The following DENND2B variants were observed in gnomAD, a reference collection of about 807,000 sequenced individuals.
The protein encoded by DENND2B is DENN domain containing 2B, also known as DENN domain-containing protein 2B.
A neutral mutation model predicts 116.0 loss-of-function variants in DENND2B; 32 were observed. That is an observed-to-expected ratio of 0.28 (90% CI 0.21 to 0.37). The LOEUF is 0.37. DENND2B is among the 10% of genes least tolerant of loss of function. The pLI is 1.00. For synonymous variants in DENND2B, 588 were observed against 583.9 expected, an observed-to-expected ratio of 1.01 and a Z score of -0.10; for missense variants, 1,276 against 1,477.7, an observed-to-expected ratio of 0.86 and a Z score of 2.24.
chr11:8,734,791 CAAAAAAAAAA>C lies in DENND2B; in HGVS notation c.81-3592_81-3583del, dbSNP rs11339783. ...GCAGCAAGAGTGAAAACAAGAGTCT[CAAAAAAAAAA>C]AAAAAAAAAAGAAAGATCACATATC... On this transcript the variant is annotated intron_variant, in intron 2 of 19. Transcript: ENST00000313726. Among the ~76,000 whole-genome samples, 9 of 98,536 alleles carry C rather than the reference CAAAAAAAAAA, an allele frequency of 9.1e-5. No homozygotes were observed. The East Asian group carries it at 1.4e-3, about 16-fold the overall frequency. 64.6% of individuals were successfully genotyped at this position (98,536 alleles called of 152,430 possible).
intron 2 of DENND2B, among the ~76,000 whole-genome samples, chr11:8,869,611 G>A (rs933249257): frequency 3.3e-5 from 5 of 151,568 alleles, no homozygotes; most frequent in Admixed American, 3.3e-4. Flanking sequence ...GCAGTGAGCC[G>A]AGATTGCGCC....
chr11:8,834,084 C>T (rs958101963), intron 4 of DENND2B, among the ~76,000 whole-genome samples: 1 of 152,212 alleles, frequency 6.6e-6, no homozygotes, highest in Non-Finnish European at 1.5e-5. Flanking sequence ...ATAAAATCAG[C>T]TGTGACTGTA....
intron 3 of DENND2B, among the ~76,000 whole-genome samples, chr11:8,848,833 G>T (rs1468602896): frequency 6.6e-6 from 1 of 151,560 alleles, no homozygotes; most frequent in African/African-American, 2.4e-5. Context: ...TATTTATTGG[G>T]TATCTACTGA....
chr11:8,696,351 T>C, intron 18 of DENND2B, 76 bp downstream of exon 18: 2 of 1,573,264 alleles, frequency 1.3e-6, no homozygotes, highest in Non-Finnish European at 1.7e-6. Flanking sequence ...TCCAAGAGCT[T>C]CCATCATAGT....
At chr11:8,865,825 C>G (rs1025465342) in intron 2 of DENND2B, among the ~76,000 whole-genome samples, 1 of 122,890 alleles carries the variant, frequency 8.1e-6, no homozygotes, top group African/African-American at 2.8e-5. Context: ...AGTCAAAGTT[C>G]TACCATACTA....
chr11:8,777,933 C>A (rs1287527229), intron 1 of DENND2B, among the ~76,000 whole-genome samples: 1 of 152,220 alleles, frequency 6.6e-6, no homozygotes, highest in East Asian at 1.9e-4. Context: ...AACTATTCAG[C>A]CTCCTACTAA....
intron 1 of DENND2B, among the ~76,000 whole-genome samples, chr11:8,892,810 C>T (rs2064051027): frequency 6.6e-6 from 1 of 152,168 alleles, no homozygotes. Context: ...TCGAATTCTA[C>T]CAGAGGTACA....
chr11:8,696,563 C>T lies in DENND2B; in HGVS notation c.3156G>A (p.Glu1052=). The T allele has an allele frequency of 3.7e-6, 6 of 1,614,216 alleles. No homozygotes were observed. The highest frequency in any genetic ancestry group is 1.1e-5 in the South Asian group (1 of 91,084). Residue 1052 remains glutamate, a synonymous_variant, in exon 18 of 20, where the codon GAG becomes GAA. Coordinates refer to ENST00000313726, the MANE Select transcript of DENND2B (RefSeq NM_213618.2). ...SLFLTQSEKG[E]RAFQREAFRK... Reference sequence around the variant, plus strand: ...GGAAGGCCTCTCGCTGAAAGGCCCTCTCTCCCTTCTCACTCTGTGTCAGAA... The same window carrying T: ...GGAAGGCCTCTCGCTGAAAGGCCCTTTCTCCCTTCTCACTCTGTGTCAGAA...
chr11:8,735,933 C>T (rs2048945704), intron 2 of DENND2B, among the ~76,000 whole-genome samples: 1 of 152,304 alleles, frequency 6.6e-6, no homozygotes, highest in South Asian at 2.1e-4. Flanking sequence ...TAGTTGTTTC[C>T]TAGTTCCTCA....
chr11:8,898,827 A>C (rs1248397106), intron 1 of DENND2B, among the ~76,000 whole-genome samples: 1 of 152,218 alleles, frequency 6.6e-6, no homozygotes, highest in African/African-American at 2.4e-5. Flanking sequence ...CAAGACATAC[A>C]AACAAAAAGT....
Position 8,697,522 on chromosome 11 carries a change from C to T in DENND2B, c.3052+3G>A, listed in dbSNP as rs1007944789. On this transcript the variant is annotated splice_donor_region_variant and intron_variant, in intron 17 of 19. Coordinates refer to ENST00000313726, the MANE Select transcript of DENND2B (RefSeq NM_213618.2). ...GCTGACCGTGCCCGGGCACTATTCT[C>T]ACCATCGTCGGAGTCGCTGTCAGAG... The T allele has an allele frequency of 6.2e-7, 1 of 1,612,940 alleles. No homozygotes were observed. The highest frequency in any genetic ancestry group is 1.1e-5 in the South Asian group (1 of 91,060).
At chr11:8,851,142 C>T (rs1423996163) in intron 3 of DENND2B, among the ~76,000 whole-genome samples, 1 of 152,074 alleles carries the variant, frequency 6.6e-6, no homozygotes, top group African/African-American at 2.4e-5. Context: ...AATAACAATA[C>T]ATCACATACT....
intron 16 of DENND2B, among the ~76,000 whole-genome samples, chr11:8,698,600 T>G (rs2040892233): frequency 6.6e-6 from 1 of 152,212 alleles, no homozygotes; most frequent in Non-Finnish European, 1.5e-5. Context: ...AAGGCAGGTG[T>G]TGTCACCACC....
chr11:8,876,317 AAAT>A (rs1294167936), upstream of DENND2B, among the ~76,000 whole-genome samples: 2 of 152,174 alleles, frequency 1.3e-5, no homozygotes, highest in Admixed American at 1.3e-4. Context: ...ATAAAATTAA[AAAT>A]AAATTATTCA....
upstream of DENND2B, chr11:8,810,734 GGC>G: frequency 6.6e-6 from 1 of 152,290 alleles, no homozygotes; most frequent in East Asian, 1.9e-4. Context: ...TCGCTAGGCG[GGC>G]GCGCGCACAG....
intron 1 of DENND2B, among the ~76,000 whole-genome samples, chr11:8,806,849 C>T (rs1255389486): frequency 1.3e-5 from 2 of 152,128 alleles, no homozygotes; most frequent in Non-Finnish European, 2.9e-5. Context: ...AAGGCACACA[C>T]TAATGCAAGT....
intron 1 of DENND2B, among the ~76,000 whole-genome samples, chr11:8,782,589 T>A (rs562908043): frequency 6.6e-6 from 1 of 152,280 alleles, no homozygotes; most frequent in East Asian, 1.9e-4. Context: ...TTTTCCAAGT[T>A]TTAAAAGATA....
chr11:8,904,734 C>G (rs960467665), intron 1 of DENND2B, among the ~76,000 whole-genome samples: 4 of 151,976 alleles, frequency 2.6e-5, no homozygotes, highest in Non-Finnish European at 5.9e-5. Context: ...GATACAATAT[C>G]AATATGAAAA....
At chr11:8,703,950 C>T in intron 13 of DENND2B, among the ~76,000 whole-genome samples, 1 of 152,144 alleles carries the variant, frequency 6.6e-6, no homozygotes, top group East Asian at 1.9e-4. Context: ...TATACCTGCT[C>T]CAGGCCCTGT....
Sources: gnomAD v4.1 joint callset for allele counts (sites outside exome capture counted in the v4.1 genomes callset) on GRCh38, gnomAD v4.1.1 for gene constraint, MANE v1.5 for transcripts, NCBI Gene and HGNC (gene_info 2026-07-23, HGNC 2026-07-21) for gene names.